The following COL24A1 variants were observed in gnomAD, a reference collection of about 807,000 sequenced individuals.
The protein encoded by COL24A1 is collagen alpha-1(XXIV) chain.
Under a neutral mutation model 253.9 loss-of-function variants are expected in COL24A1, and 224 were observed. That is an observed-to-expected ratio of 0.88 (90% CI 0.79 to 0.99). The LOEUF is 0.99. Ranked by LOEUF, COL24A1 falls within the 50% of genes least tolerant of loss-of-function variation. COL24A1 has a pLI of 0.00. For missense variants in COL24A1, 2,131 were observed against 2,068.5 expected, an observed-to-expected ratio of 1.03 and a Z score of -0.59; for synonymous variants, 685 against 673.7, an observed-to-expected ratio of 1.02 and a Z score of -0.26.
chr1:85,828,751 C>T (rs1427318711), intron 43 of COL24A1, among the ~76,000 whole-genome samples: 1 of 126,484 alleles, frequency 7.9e-6, no homozygotes, highest in South Asian at 2.8e-4. Flanking sequence ...GCAACCCCTG[C>T]CTTTTTTTGT....
At chr1:85,813,611 C>T (rs1364456278) in intron 47 of COL24A1, among the ~76,000 whole-genome samples, 2 of 117,324 alleles carry the variant, frequency 1.7e-5, no homozygotes, top group Admixed American at 1.1e-4. Flanking sequence ...AGTGCAGTGG[C>T]GGGATCTCGG....
At chr1:86,049,149 T>C (rs1428110969) in intron 11 of COL24A1, among the ~76,000 whole-genome samples, 1 of 152,226 alleles carries the variant, frequency 6.6e-6, no homozygotes, top group East Asian at 1.9e-4. Context: ...AGATGTTTTT[T>C]GCTATTGAAC....
chr1:86,047,620 A>G (rs2101654111), intron 11 of COL24A1, among the ~76,000 whole-genome samples: 1 of 152,144 alleles, frequency 6.6e-6, no homozygotes, highest in Admixed American at 6.5e-5. Context: ...ACACACATAT[A>G]TATGTTTATT....
chr1:86,115,442 G>T, intron 3 of COL24A1, 64 bp from the exon 4 acceptor site: 2 of 1,483,154 alleles, frequency 1.3e-6, no homozygotes, highest in Non-Finnish European at 1.9e-6. Context: ...TTACGAGTCT[G>T]AATAAGATTT....
chr1:85,813,003 A>T (rs1310067628), intron 47 of COL24A1, among the ~76,000 whole-genome samples: 1 of 152,224 alleles, frequency 6.6e-6, no homozygotes, highest in Non-Finnish European at 1.5e-5. Context: ...TTCTAGACAT[A>T]GATTTGCTAT....
At chr1:85,788,033 T>C (rs1202041152) in intron 47 of COL24A1, among the ~76,000 whole-genome samples, 1 of 152,202 alleles carries the variant, frequency 6.6e-6, no homozygotes, top group Non-Finnish European at 1.5e-5. Flanking sequence ...AATGTCTTCT[T>C]TTGAGAAATG....
chr1:85,783,338 C>G, intron 51 of COL24A1, among the ~76,000 whole-genome samples, 158 bp downstream of exon 51: 1 of 151,148 alleles, frequency 6.6e-6, no homozygotes, highest in East Asian at 1.9e-4. Flanking sequence ...AATATATGAA[C>G]TGCAAAAGAT....
intron 2 of COL24A1, among the ~76,000 whole-genome samples, chr1:86,130,399 CTT>C (rs1159294209): frequency 6.6e-6 from 1 of 151,726 alleles, no homozygotes; most frequent in African/African-American, 2.4e-5. Context: ...TGTTTTACCA[CTT>C]TAATTTTTTG....
chr1:85,918,750 A>G (rs1024390949), intron 24 of COL24A1, among the ~76,000 whole-genome samples: 61 of 152,320 alleles, frequency 4.0e-4, no homozygotes, highest in African/African-American at 1.4e-3. Flanking sequence ...AAATCTCTGA[A>G]TAGAGAAAAA....
chr1:85,868,992 T>C (rs11161693), intron 35 of COL24A1, among the ~76,000 whole-genome samples, 157 bp from the exon 36 acceptor site: 56,093 of 151,886 alleles, frequency 0.37, 11,547 homozygotes, highest in East Asian at 0.57. Context: ...AAAATGAGAA[T>C]GATTTAATTT....
intron 20 of COL24A1, among the ~76,000 whole-genome samples, chr1:85,972,678 G>A (rs1692292017): frequency 6.6e-6 from 1 of 152,206 alleles, no homozygotes; most frequent in South Asian, 2.1e-4. Context: ...ACCTTCGACT[G>A]TAACTGTGAA....
chr1:85,764,257 G>C (rs1667130538), intron 53 of COL24A1, among the ~76,000 whole-genome samples: 1 of 152,022 alleles, frequency 6.6e-6, no homozygotes, highest in African/African-American at 2.4e-5. Context: ...GTGGTAGGGG[G>C]ACAAATGGCT....
At chr1:86,047,607 T>TA (rs1700001826) in intron 11 of COL24A1, among the ~76,000 whole-genome samples, 1 of 152,106 alleles carries the variant, frequency 6.6e-6, no homozygotes, top group South Asian at 2.1e-4. Flanking sequence ...TTCATGTATA[T>TA]ATACACACAT....
chr1:86,003,021 T>C (rs586635), intron 19 of COL24A1, among the ~76,000 whole-genome samples: 110,126 of 151,730 alleles, frequency 0.73, 41,290 homozygotes, highest in African/African-American at 0.9. Context: ...GCCACTTGCA[T>C]ATTTAATCCA....
intron 19 of COL24A1, among the ~76,000 whole-genome samples, chr1:85,997,855 G>A (rs1366118511): frequency 6.6e-6 from 1 of 152,092 alleles, no homozygotes; most frequent in Non-Finnish European, 1.5e-5. Context: ...AAAAAAGAGT[G>A]CTTTCTTTTT....
At chr1:86,123,159 T>A (rs1224623787) in intron 3 of COL24A1, among the ~76,000 whole-genome samples, 1 of 151,952 alleles carries the variant, frequency 6.6e-6, no homozygotes, top group East Asian at 1.9e-4. Context: ...AGAGCATCTT[T>A]CTCAAGGAAC....
At chr1:86,021,883 C>G (rs1482568108) in intron 18 of COL24A1, among the ~76,000 whole-genome samples, 2 of 152,010 alleles carry the variant, frequency 1.3e-5, no homozygotes. Context: ...CAGACTGTTT[C>G]CTTAATAAAA....
intron 19 of COL24A1, among the ~76,000 whole-genome samples, chr1:86,008,208 A>G (rs1422248735): frequency 6.6e-6 from 1 of 152,212 alleles, no homozygotes; most frequent in East Asian, 1.9e-4. Context: ...AAAATATAAT[A>G]ATGATCCCTG....
chr1:85,803,941 G>A (rs190382202), intron 47 of COL24A1, among the ~76,000 whole-genome samples: 210 of 152,234 alleles, frequency 1.4e-3, no homozygotes, highest in Non-Finnish European at 2.6e-3. Flanking sequence ...ATATGAGAAG[G>A]TAATACATAT....
Sources: allele counts gnomAD v4.1 joint callset (sites outside exome capture counted in the v4.1 genomes callset), GRCh38; gene constraint gnomAD v4.1.1; transcripts MANE v1.5; gene names NCBI Gene and HGNC (gene_info 2026-07-23, HGNC 2026-07-21).